DCUN1D1: variants seen among roughly 807,000 people sequenced by gnomAD.
DCUN1D1 encodes the protein DCN1-like protein 1.
A neutral mutation model predicts 39.0 loss-of-function variants in DCUN1D1; 3 were observed. The ratio of observed to expected loss-of-function variants is 0.08; its 90% CI spans 0.04 to 0.20. The LOEUF is 0.20. Among genes scored for constraint, DCUN1D1 ranks in the 10% least tolerant of loss-of-function variants. The pLI, the probability that DCUN1D1 is intolerant of heterozygous loss-of-function variation, is 1.00. For synonymous variants in DCUN1D1, 82 were observed against 96.3 expected (o/e 0.85, Z 0.87); for missense variants, 158 against 302.4 (o/e 0.52, Z 3.54).
At chr3:182,971,430 G>A (rs188557132) in intron 1 of DCUN1D1, among the ~76,000 whole-genome samples, 7 of 152,080 alleles carry the variant, frequency 4.6e-5, no homozygotes, top group Non-Finnish European at 7.4e-5. Flanking sequence ...AAAAGTAGCC[G>A]GGCATGGTGG....
chr3:182,950,544 G>T (rs1467692619), intron 4 of DCUN1D1, among the ~76,000 whole-genome samples: 2 of 151,896 alleles, frequency 1.3e-5, no homozygotes, highest in Non-Finnish European at 2.9e-5. Context: ...TTGAGACACG[G>T]TCTCACTCTG....
chr3:182,970,224 G>A (rs1388984504), intron 1 of DCUN1D1, among the ~76,000 whole-genome samples: 5 of 151,980 alleles, frequency 3.3e-5, no homozygotes, highest in African/African-American at 9.7e-5. Context: ...TGATAGCGCC[G>A]CTGCACTACA....
rs969272624 is a variant in DCUN1D1, at chr3:182,965,868, C to T, written c.4-115G>A. 6 of 677,502 alleles carry T rather than the reference C, an allele frequency of 8.9e-6. No individual in the cohort carries two copies. In the African/African-American group the frequency reaches 1.1e-4, roughly 12 times the overall value. 42.0% of individuals were successfully genotyped at this position (677,502 alleles called of 1,614,324 possible). ...ACTTTTTCCTCACAAAACATTAAAA[C>T]ATTTTAGCTTAAGATTTATTTTTGA... On this transcript the variant is annotated intron_variant, in intron 1 of 6. Transcript: ENST00000292782.
chr3:182,969,747 C>G (rs1727840425), intron 1 of DCUN1D1, among the ~76,000 whole-genome samples: 1 of 151,982 alleles, frequency 6.6e-6, no homozygotes, highest in Non-Finnish European at 1.5e-5. Flanking sequence ...GCAAAAAAAG[C>G]AGGGGGGAGG....
chr3:182,983,817 T>C (rs1728641185), upstream of DCUN1D1, among the ~76,000 whole-genome samples: 1 of 152,156 alleles, frequency 6.6e-6, no homozygotes, highest in African/African-American at 2.4e-5. Flanking sequence ...ACATTATATT[T>C]CCCACCAAGA....
chr3:182,948,441 C>T (rs1011140002), intron 4 of DCUN1D1, among the ~76,000 whole-genome samples: 6 of 152,054 alleles, frequency 3.9e-5, no homozygotes, highest in African/African-American at 7.2e-5. Context: ...ACTTATCACA[C>T]GACAGAGAAC....
chr3:182,950,464 T>C (rs1371890555), intron 4 of DCUN1D1, among the ~76,000 whole-genome samples: 1 of 152,052 alleles, frequency 6.6e-6, no homozygotes, highest in African/African-American at 2.4e-5. Context: ...ACTTATCTTT[T>C]AAAAATCTTT....
intron 1 of DCUN1D1, among the ~76,000 whole-genome samples, chr3:182,970,934 C>T (rs765164841): frequency 2.6e-5 from 4 of 152,316 alleles, no homozygotes; most frequent in Admixed American, 6.5e-5. Context: ...AGCCTACCTA[C>T]AACTCCCAGA....
At chr3:182,981,606 CTG>C (rs1219727347), upstream of DCUN1D1, among the ~76,000 whole-genome samples, 2 of 152,224 alleles carry the variant, frequency 1.3e-5, no homozygotes, top group Admixed American at 6.5e-5. Context: ...ACATCTGAAA[CTG>C]TACCAAGAGC....
intron 1 of DCUN1D1, among the ~76,000 whole-genome samples, chr3:182,971,595 A>G (rs1727944407): frequency 6.6e-6 from 1 of 151,890 alleles, no homozygotes; most frequent in Admixed American, 6.6e-5. Context: ...AAACAAAAAA[A>G]AAACTCCAGA....
At chr3:182,956,054 G>T (rs879461899) in intron 4 of DCUN1D1, 1 of 153,762 alleles carries the variant, frequency 6.5e-6, no homozygotes. Context: ...TCAGCCCCCC[G>T]GGTAGCTGGG....
rs1726484000 is a variant in DCUN1D1, at chr3:182,947,651, ATTATGTAT to A, written c.521-27_521-20del. The A allele has an allele frequency of 8.9e-6, 12 of 1,355,490 alleles. No individual in the cohort carries two copies. The East Asian group carries it at 2.8e-4, about 31-fold the overall frequency. The allele number at this position is 1,355,490 out of a possible 1,614,324, so 84.0% of individuals were successfully genotyped here. A position where few individuals can be genotyped will look rare whatever the true frequency, so the allele number is the denominator to read the frequency against. On this transcript the variant is annotated intron_variant, in intron 4 of 6. Transcript: ENST00000292782. ...TCTAGATCTGAAATAGTAAAAATGAATTATGTATTTAAATGCTATAAATATTTGTCCCT... is the reference window on the plus strand; with the variant it reads ...TCTAGATCTGAAATAGTAAAAATGAATTAAATGCTATAAATATTTGTCCCT...
Position 182,941,058 on chromosome 3 carries a change from T to C in DCUN1D1, c.*4036A>G, listed in dbSNP as rs1485868378. 6.6e-6 allele frequency: 1 copy of C among 152,116 alleles called. No individual in the cohort carries two copies. The allele number at this position is 152,116 out of a possible 1,614,324, so 9.4% of individuals were successfully genotyped here. A position where few individuals can be genotyped will look rare whatever the true frequency, so the allele number is the denominator to read the frequency against. On this transcript the variant is annotated 3_prime_UTR_variant, in exon 7 of 7. Transcript: ENST00000292782. ...CATTAATAGGAAACACTGAACCTAGTCAAATAAATGAGTTGGTGAGCAAGA... is the reference window on the plus strand; with the variant it reads ...CATTAATAGGAAACACTGAACCTAGCCAAATAAATGAGTTGGTGAGCAAGA...
At chr3:182,980,101 AC>A in intron 1 of DCUN1D1, 1 of 943,888 alleles carries the variant, frequency 1.1e-6, no homozygotes, top group Non-Finnish European at 1.3e-6. Context: ...CCAGTCCCCG[AC>A]CAGACACAAT....
chr3:182,982,620 T>C (rs926823540), upstream of DCUN1D1, among the ~76,000 whole-genome samples: 2 of 152,142 alleles, frequency 1.3e-5, no homozygotes, highest in Non-Finnish European at 2.9e-5. Context: ...TTCTATTTCT[T>C]AGCCAATTCT....
chr3:182,955,419 C>T (rs1005434413), intron 4 of DCUN1D1: 5 of 540,222 alleles, frequency 9.3e-6, no homozygotes, highest in Non-Finnish European at 1.5e-5. Flanking sequence ...CCACATTTTG[C>T]GCAAACTTCA....
At chr3:182,984,422 C>T (rs935406686), upstream of DCUN1D1, among the ~76,000 whole-genome samples, 92 of 152,156 alleles carry the variant, frequency 6.0e-4, no homozygotes, top group African/African-American at 2.1e-3. Flanking sequence ...CTAATATTCT[C>T]GTATTACTTT....
intron 4 of DCUN1D1, among the ~76,000 whole-genome samples, chr3:182,956,521 T>C (rs936227840): frequency 6.6e-6 from 1 of 152,218 alleles, no homozygotes; most frequent in Non-Finnish European, 1.5e-5. Context: ...TGGCTATGAG[T>C]TTCCTCATCT....
intron 4 of DCUN1D1, among the ~76,000 whole-genome samples, chr3:182,948,152 G>A (rs976545917): frequency 4.6e-5 from 7 of 152,164 alleles, no homozygotes; most frequent in East Asian, 1.9e-4. Flanking sequence ...CAACCCAGAT[G>A]AGAATCCCTG....
Sources: allele counts gnomAD v4.1 joint callset (sites outside exome capture counted in the v4.1 genomes callset), GRCh38; gene constraint gnomAD v4.1.1; transcripts MANE v1.5; gene names NCBI Gene and HGNC (gene_info 2026-07-23, HGNC 2026-07-21).